The following UGT1A9 variants were observed in gnomAD, a reference collection of about 807,000 sequenced individuals.
UGT1A9 encodes UDP glucuronosyltransferase family 1 member A9.
In UGT1A9, 35 loss-of-function variants were observed where a neutral mutation model predicts 45.0. The ratio of observed to expected loss-of-function variants is 0.78; its 90% CI spans 0.59 to 1.03. UGT1A9 has a LOEUF of 1.03. Among genes scored for constraint, UGT1A9 ranks in the 50% least tolerant of loss-of-function variants. UGT1A9 has a pLI of 0.00. For missense variants in UGT1A9, 687 were observed against 666.6 expected, an observed-to-expected ratio of 1.03 and a Z score of -0.34; for synonymous variants, 278 against 250.6, an observed-to-expected ratio of 1.11 and a Z score of -1.03.
Position 233,672,478 on chromosome 2 carries a change from C to T in UGT1A9, c.544C>T (p.Gln182Ter). Residue 182 changes from glutamine (Q) to a stop codon, truncating the protein, a stop_gained, in exon 1 of 5, where the codon CAG (glutamine) becomes TAG (stop). Transcript: ENST00000354728. LOFTEE classifies it high-confidence loss of function. ...ILCHYLEEGA[Q>*]CPAPLSYVPR... ...TTGCCACTATCTTGAAGAAGGTGCA[C>T]AGTGCCCTGCTCCTCTTTCCTATGT... The T allele has an allele frequency of 6.2e-7, 1 of 1,613,968 alleles. No individual in the cohort carries two copies. The highest frequency in any genetic ancestry group is 1.3e-5 in the African/African-American group (1 of 75,048).
In UGT1A9 at chr2:233,768,425, C is replaced by T. The variant is rs1021872145; in HGVS notation, c.1281C>T (p.Val427=). Residue 427 remains valine, a synonymous_variant, in exon 4 of 5, where the codon GTC becomes GTT. Transcript: ENST00000354728. The part of the protein sequence containing the change: ...SEDLENALKA[V]INDKSYKENI... ...ATTTAGAAAATGCTCTAAAAGCAGT[C>T]ATCAATGACAAAAGGTAAGAAAGAA... 1.2e-6 allele frequency: 2 copies of T among 1,613,876 alleles called. No homozygotes were observed. The highest frequency in any genetic ancestry group is 1.7e-5 in the Admixed American group (1 of 59,984).
chr2:233,743,431 C>G (rs755334550), intron 1 of UGT1A9: 1 of 1,354,434 alleles, frequency 7.4e-7, no homozygotes, highest in East Asian at 4.7e-5. Flanking sequence ...GCCAAAGGAA[C>G]GAAATCCTGT....
At chr2:233,754,204 A>G (rs1695418999) in intron 1 of UGT1A9, 1 of 163,390 alleles carries the variant, frequency 6.1e-6, no homozygotes, top group South Asian at 1.6e-4. Flanking sequence ...AAAACATTGA[A>G]GTCAAATGAT....
chr2:233,724,866 G>A (rs1361964524), intron 1 of UGT1A9, among the ~76,000 whole-genome samples: 1 of 128,896 alleles, frequency 7.8e-6, no homozygotes, highest in Non-Finnish European at 1.6e-5. Flanking sequence ...GGTGTAGGTT[G>A]TAGTGAGCGG....
At chr2:233,749,482 T>C (rs1349900601) in intron 1 of UGT1A9, among the ~76,000 whole-genome samples, 2 of 151,916 alleles carry the variant, frequency 1.3e-5, no homozygotes, top group Non-Finnish European at 2.9e-5. Flanking sequence ...CAGATCACTC[T>C]TGCTATGCCC....
chr2:233,753,563 T>C (rs1178575284), intron 1 of UGT1A9: 3 of 152,234 alleles, frequency 2.0e-5, no homozygotes, highest in Non-Finnish European at 2.9e-5. Flanking sequence ...CCCTAGAAGA[T>C]GGGACCCTTT....
intron 4 of UGT1A9, 31 bp downstream of exon 4, chr2:233,768,470 G>A: frequency 6.2e-7 from 1 of 1,602,840 alleles, no homozygotes; most frequent in Non-Finnish European, 8.5e-7. Flanking sequence ...GAATACTTTG[G>A]TCATGGCATT....
intron 1 of UGT1A9, chr2:233,693,968 G>A (rs1467936379): frequency 1.3e-6 from 2 of 1,572,252 alleles, no homozygotes; most frequent in South Asian, 1.2e-5. Flanking sequence ...GGATTTCCTG[G>A]AGAAACGGTG....
rs749289002 is a variant in UGT1A9 at position 233,695,367 on chromosome 2, G to A, written c.855+22578G>A. On this transcript the variant is annotated intron_variant, in intron 1 of 4. Coordinates refer to ENST00000354728, the MANE Select transcript of UGT1A9 (RefSeq NM_021027.3). ...TCTCAATCTCTTGACCTCGTGGTCC[G>A]CCCACCCCAGCCTCCCAAAGTGCTG... Among the ~76,000 whole-genome samples the A allele has an allele frequency of 5.3e-5, 8 of 151,428 alleles. No individual in the cohort carries two copies. In the South Asian group the frequency reaches 1.2e-3, roughly 24 times the overall value.
At chr2:233,760,155 C>A (rs2125979369) in intron 1 of UGT1A9, 1 of 1,487,916 alleles carries the variant, frequency 6.7e-7, no homozygotes, top group South Asian at 1.3e-5. Flanking sequence ...GAACTCCCTG[C>A]TACCTTTGTG....
intron 1 of UGT1A9, among the ~76,000 whole-genome samples, chr2:233,695,395 A>G (rs1203917830): frequency 6.6e-6 from 1 of 150,614 alleles, no homozygotes; most frequent in Non-Finnish European, 1.5e-5. Flanking sequence ...AAGTGCTGGG[A>G]TTACAGGCGT....
chr2:233,682,465 T>C, intron 1 of UGT1A9: 1 of 1,613,980 alleles, frequency 6.2e-7, no homozygotes, highest in East Asian at 2.2e-5. Context: ...TTTGCCACTA[T>C]CTTGAAGAAG....
intron 1 of UGT1A9, among the ~76,000 whole-genome samples, chr2:233,748,701 G>A (rs1009365045): frequency 6.6e-6 from 1 of 151,652 alleles, no homozygotes; most frequent in Non-Finnish European, 1.5e-5. Context: ...TTCTGGTCAG[G>A]ATTTGGGGTC....
chr2:233,755,109 T>C, intron 1 of UGT1A9: 1 of 1,333,450 alleles, frequency 7.5e-7, no homozygotes, highest in Non-Finnish European at 1.0e-6. Flanking sequence ...CGACAACACC[T>C]CGTAGGCCTC....
intron 1 of UGT1A9, among the ~76,000 whole-genome samples, chr2:233,726,331 C>A (rs898548496): frequency 2.0e-5 from 3 of 152,168 alleles, no homozygotes; most frequent in Non-Finnish European, 4.4e-5. Flanking sequence ...GTTTCAGCAC[C>A]TGTGGTTTTT....
chr2:233,741,661 C>T (rs1691734186), intron 1 of UGT1A9: 1 of 151,910 alleles, frequency 6.6e-6, no homozygotes, highest in African/African-American at 2.4e-5. Flanking sequence ...CTGCCATGTT[C>T]CTGCTGTTTA....
At chr2:233,704,471 C>A (rs1485510599) in intron 1 of UGT1A9, among the ~76,000 whole-genome samples, 1 of 152,068 alleles carries the variant, frequency 6.6e-6, no homozygotes, top group Admixed American at 6.6e-5. Context: ...TATTTCCTTT[C>A]TCCCCTTTTT....
rs979149719 is a variant in UGT1A9, at chr2:233,682,893, G to T, written c.855+10104G>T. The T allele has an allele frequency of 2.7e-6, 4 of 1,506,370 alleles. No homozygotes were observed. The East Asian group carries it at 9.1e-5, about 34-fold the overall frequency. 93.3% of individuals were successfully genotyped at this position (1,506,370 alleles called of 1,614,324 possible). A position where few individuals can be genotyped will look rare whatever the true frequency, so the allele number is the denominator to read the frequency against. ...TTATCATTTACATTTGTCCCATTTG[G>T]AATTTCTTTCTGGTTTAAGGAATTC... On this transcript the variant is annotated intron_variant, in intron 1 of 4. Coordinates refer to ENST00000354728, the MANE Select transcript of UGT1A9 (RefSeq NM_021027.3).
intron 1 of UGT1A9, chr2:233,755,364 C>G (rs1279732640): frequency 1.4e-5 from 5 of 364,304 alleles, no homozygotes; most frequent in Non-Finnish European, 2.6e-5. Flanking sequence ...ACCTGGGCCG[C>G]CTGGAGGGCC....
Sources: gnomAD v4.1 joint callset for allele counts (sites outside exome capture counted in the v4.1 genomes callset) on GRCh38, gnomAD v4.1.1 for gene constraint, MANE v1.5 for transcripts, NCBI Gene and HGNC (gene_info 2026-07-23, HGNC 2026-07-21) for gene names.